Variants in PDE5A observed in about 807,000 individuals in gnomAD.
The protein encoded by PDE5A is phosphodiesterase 5A.
PDE5A carries 67 observed loss-of-function variants against 110.2 expected under a neutral mutation model. The observed-to-expected ratio is 0.61, with a 90% CI of 0.50 to 0.75. The LOEUF is 0.75. PDE5A is among the 30% of genes least tolerant of loss of function. The pLI, the probability that PDE5A is intolerant of heterozygous loss-of-function variation, is 0.00. For missense variants in PDE5A, 862 were observed against 1,045.1 expected (o/e 0.82, Z 2.42); for synonymous variants, 328 against 351.2 (o/e 0.93, Z 0.74).
intron 3 of PDE5A, among the ~76,000 whole-genome samples, chr4:119,578,565 C>G (rs1391724270): frequency 6.6e-6 from 1 of 152,146 alleles, no homozygotes; most frequent in Non-Finnish European, 1.5e-5. Flanking sequence ...TTTGACAAAC[C>G]TGACAAAAAC....
chr4:119,565,364 G>A lies in PDE5A; in HGVS notation c.950C>T (p.Ala317Val), dbSNP rs753185197. 1.2e-6 allele frequency: 2 copies of A among 1,612,442 alleles called. No homozygotes were observed. The highest frequency in any genetic ancestry group is 4.5e-5 in the East Asian group (2 of 44,752). Residue 317 changes from alanine to valine, a missense_variant, in exon 5 of 21, where the codon GCT (alanine) becomes GTT (valine). Ala to Val is a moderately conservative substitution (Grantham distance 64). Coordinates refer to ENST00000354960, the MANE Select transcript of PDE5A (RefSeq NM_001083.4). ...LAFCGIVLHN[A>V]QLYETSLLEN... ...CAGCAGTGAAGTCTCATAGAGCTGA[G>A]CATTATGAAGAACAATACCACAAAA...
intron 1 of PDE5A, among the ~76,000 whole-genome samples, chr4:119,625,710 G>A (rs1730321396): frequency 6.6e-6 from 1 of 151,744 alleles, no homozygotes. Flanking sequence ...GAAAAGCAAA[G>A]TAATGTGAGC....
chr4:119,519,390 T>A (rs915771946), intron 13 of PDE5A: 1 of 425,716 alleles, frequency 2.3e-6, no homozygotes, highest in African/African-American at 2.0e-5. Flanking sequence ...ATTAATAATC[T>A]GTCCACCTAT....
chr4:119,578,501 T>C (rs142970247), intron 3 of PDE5A, among the ~76,000 whole-genome samples: 76,051 of 151,890 alleles, frequency 0.5, 19,189 homozygotes, highest in South Asian at 0.64. Flanking sequence ...TATAGACCAA[T>C]GGAACAGAAC....
intron 13 of PDE5A, 27 bp downstream of exon 13, chr4:119,520,908 A>G (rs201561291): frequency 4.3e-5 from 68 of 1,587,470 alleles, no homozygotes; most frequent in African/African-American, 9.5e-5. Flanking sequence ...AAAATGTATT[A>G]GATATATGAA....
At chr4:119,510,778 A>G (rs1254791862) in intron 15 of PDE5A, among the ~76,000 whole-genome samples, 1 of 152,096 alleles carries the variant, frequency 6.6e-6, no homozygotes, top group Non-Finnish European at 1.5e-5. Context: ...GAGCCACAAA[A>G]TACACATTTT....
chr4:119,508,930 T>TA (rs1373289956), intron 15 of PDE5A, among the ~76,000 whole-genome samples: 1 of 152,006 alleles, frequency 6.6e-6, no homozygotes, highest in Non-Finnish European at 1.5e-5. Flanking sequence ...ACATATTACA[T>TA]AATAAGTTAT....
intron 10 of PDE5A, among the ~76,000 whole-genome samples, chr4:119,540,892 CAT>C (rs1726904330): frequency 1.3e-5 from 2 of 152,232 alleles, no homozygotes; most frequent in South Asian, 2.1e-4. Flanking sequence ...AATGACTACA[CAT>C]ATGACCTGAA....
At chr4:119,598,042 C>T (rs1446551215) in intron 2 of PDE5A, among the ~76,000 whole-genome samples, 2 of 151,704 alleles carry the variant, frequency 1.3e-5, no homozygotes, top group South Asian at 2.1e-4. Flanking sequence ...AGAAAGCAGA[C>T]AAGATAATGT....
chr4:119,604,407 G>C (rs1487936562), intron 2 of PDE5A, among the ~76,000 whole-genome samples: 1 of 152,134 alleles, frequency 6.6e-6, no homozygotes, highest in African/African-American at 2.4e-5. Flanking sequence ...TGATCCTACT[G>C]TACTCTTGGG....
At chr4:119,505,997 C>CAAAG (rs1053032133) in intron 16 of PDE5A, 65 bp from the exon 17 acceptor site, 1 of 850,202 alleles carries the variant, frequency 1.2e-6, no homozygotes, top group Middle Eastern at 2.4e-4. Flanking sequence ...CTTTGGTCCA[C>CAAAG]AAAGACTCAT....
At chr4:119,594,684 T>G (rs1031185054) in intron 3 of PDE5A, among the ~76,000 whole-genome samples, 7 of 152,236 alleles carry the variant, frequency 4.6e-5, no homozygotes, top group African/African-American at 1.7e-4. Flanking sequence ...AATTAATTAA[T>G]CTCATATTAC....
chr4:119,572,720 A>C (rs1728185116), intron 3 of PDE5A, among the ~76,000 whole-genome samples: 1 of 152,218 alleles, frequency 6.6e-6, no homozygotes, highest in African/African-American at 2.4e-5. Flanking sequence ...GATTTTGTAG[A>C]TCTAGACTGG....
At chr4:119,553,834 AC>A (rs1461071141) in intron 7 of PDE5A, 88 bp from the exon 8 acceptor site, 1 of 700,064 alleles carries the variant, frequency 1.4e-6, no homozygotes, top group African/African-American at 1.8e-5. Flanking sequence ...GGAGAAAAAT[AC>A]CAGCCTTAAA....
At chr4:119,548,399 T>C (rs1727217264) in intron 9 of PDE5A, 1 of 152,234 alleles carries the variant, frequency 6.6e-6, no homozygotes, top group African/African-American at 2.4e-5. Flanking sequence ...TGATGCTATT[T>C]AGTTTATTAG....
Position 119,627,367 on chromosome 4 carries a change from G to A in PDE5A, c.152+1153C>T, listed in dbSNP as rs1489736431. 15 of 965,458 alleles carry A rather than the reference G, an allele frequency of 1.6e-5. No homozygotes were observed. Among genetic ancestry groups the A allele is most frequent in the East Asian group, 1.0e-4 (1 of 9,710 alleles). The allele number at this position is 965,458 out of a possible 1,614,324, so 59.8% of individuals were successfully genotyped here. A position where few individuals can be genotyped will look rare whatever the true frequency, so the allele number is the denominator to read the frequency against. ...GCGCTGCGCCGCCCCCTGGCGGGGAGCGACCGGCAGAGCCGCGGCCGCGCG... is the reference window on the plus strand; with the variant it reads ...GCGCTGCGCCGCCCCCTGGCGGGGAACGACCGGCAGAGCCGCGGCCGCGCG... On this transcript the variant is annotated intron_variant, in intron 1 of 20. Coordinates refer to ENST00000354960, the MANE Select transcript of PDE5A (RefSeq NM_001083.4). This position sits in a 1 kb window ranked among gnomAD's most constrained non-coding sequence, Gnocchi z 4.6.
intron 2 of PDE5A, among the ~76,000 whole-genome samples, chr4:119,599,673 CA>C (rs1324525109): frequency 6.6e-6 from 1 of 150,516 alleles, no homozygotes; most frequent in Non-Finnish European, 1.5e-5. Context: ...AAAACATTAA[CA>C]AAGTTTCAGT....
At chr4:119,565,248 T>C (rs1727884476) in intron 5 of PDE5A, 73 bp downstream of exon 5, 3 of 1,001,878 alleles carry the variant, frequency 3.0e-6, no homozygotes, top group Non-Finnish European at 3.1e-6. Flanking sequence ...ATCATCTGCA[T>C]ACATTACTTG....
intron 3 of PDE5A, among the ~76,000 whole-genome samples, chr4:119,583,261 T>G (rs1359365084): frequency 1.5e-4 from 23 of 152,240 alleles, no homozygotes; most frequent in Non-Finnish European, 3.1e-4. Flanking sequence ...AGATGGCTTC[T>G]TTCCGTAAAC....
Sources: allele counts gnomAD v4.1 joint callset (sites outside exome capture counted in the v4.1 genomes callset), GRCh38; gene constraint gnomAD v4.1.1; non-coding constraint Gnocchi (gnomAD v3.1); transcripts MANE v1.5; gene names NCBI Gene and HGNC (gene_info 2026-07-23, HGNC 2026-07-21).